Variants in GPC5 observed in about 807,000 individuals in gnomAD.
GPC5 encodes the protein glypican-5.
In GPC5, 47 loss-of-function variants were observed where a neutral mutation model predicts 53.9. The observed-to-expected ratio is 0.87, with a 90% CI of 0.69 to 1.11. The LOEUF (loss-of-function observed/expected upper bound fraction) is 1.11, where lower values mean the gene tolerates loss of function less well. GPC5 is among the 50% of genes most tolerant of loss of function. The probability of loss-of-function intolerance (pLI) is 0.00; values close to 1 mark genes in which losing one functional copy is unlikely to be tolerated. For synonymous variants in GPC5, 286 were observed against 263.3 expected, an observed-to-expected ratio of 1.09 and a Z score of -0.84; for missense variants, 748 against 713.1, an observed-to-expected ratio of 1.05 and a Z score of -0.56.
intron 7 of GPC5, among the ~76,000 whole-genome samples, chr13:92,281,009 G>A (rs994495279): frequency 3.9e-5 from 6 of 152,158 alleles, no homozygotes; most frequent in Admixed American, 6.5e-5. Flanking sequence ...CAAGGGAGGC[G>A]GTGACAGACA....
intron 2 of GPC5, among the ~76,000 whole-genome samples, chr13:91,599,055 A>G (rs2033091254): frequency 6.6e-6 from 1 of 152,082 alleles, no homozygotes; most frequent in Admixed American, 6.5e-5. Context: ...TAATTTCAGC[A>G]GCTTTTGGGG....
chr13:92,207,836 G>A (rs775102364), intron 7 of GPC5, among the ~76,000 whole-genome samples: 16 of 152,124 alleles, frequency 1.1e-4, no homozygotes, highest in African/African-American at 2.9e-4. Flanking sequence ...ATTATGATGC[G>A]CTTATAGTAC....
intron 1 of GPC5, among the ~76,000 whole-genome samples, chr13:91,423,293 G>C (rs962708279): frequency 5.9e-5 from 9 of 152,140 alleles, no homozygotes; most frequent in Admixed American, 1.3e-4. Context: ...GTAGACATTT[G>C]TATTATTGCT....
At chr13:91,497,383 G>A (rs1012933146) in intron 2 of GPC5, among the ~76,000 whole-genome samples, 1 of 151,864 alleles carries the variant, frequency 6.6e-6, no homozygotes, top group African/African-American at 2.4e-5. Flanking sequence ...TAGCAACTTT[G>A]TTAATTCCTG....
intron 7 of GPC5, among the ~76,000 whole-genome samples, chr13:92,273,714 C>G (rs1334266116): frequency 6.6e-6 from 1 of 151,958 alleles, no homozygotes; most frequent in African/African-American, 2.4e-5. Flanking sequence ...GGAAAGGAAG[C>G]TCAAACGTCT....
Position 91,805,297 on chromosome 13 carries a change from C to T in GPC5, c.1280+48877C>T, listed in dbSNP as rs370736205. Among the ~76,000 whole-genome samples, 156 of 152,246 alleles carry T rather than the reference C, an allele frequency of 1.0e-3. No individual in the cohort carries two copies. The East Asian group carries it at 0.024, about 23-fold the overall frequency. On this transcript the variant is annotated intron_variant, in intron 5 of 7. Transcript: ENST00000377067. ...AAATGAGAGGTGGGGAGACATGTTG[C>T]GTGTAAAAATATGGCTAAAGAAGCT...
intron 7 of GPC5, among the ~76,000 whole-genome samples, chr13:92,425,707 A>C (rs185790177): frequency 2.3e-4 from 35 of 152,168 alleles, no homozygotes; most frequent in African/African-American, 7.7e-4. Context: ...TTTTTAATCA[A>C]CTTTAGACAG....
At chr13:91,846,947 C>T (rs771618657) in intron 5 of GPC5, among the ~76,000 whole-genome samples, 25 of 151,976 alleles carry the variant, frequency 1.6e-4, no homozygotes, top group Non-Finnish European at 2.8e-4. Context: ...GGGCTGGGCA[C>T]GGTGGCTCAC....
At chr13:91,470,586 A>G (rs2139177540) in intron 2 of GPC5, among the ~76,000 whole-genome samples, 1 of 152,228 alleles carries the variant, frequency 6.6e-6, no homozygotes, top group South Asian at 2.1e-4. Context: ...AATCATGCAA[A>G]TATTTTGTGA....
chr13:91,586,574 A>C (rs1198382612), intron 2 of GPC5, among the ~76,000 whole-genome samples: 2 of 115,418 alleles, frequency 1.7e-5, no homozygotes, highest in Non-Finnish European at 3.5e-5. Flanking sequence ...AGAGAGAGAG[A>C]GAGAGAGAGA....
At chr13:91,652,176 T>C (rs528607054) in intron 2 of GPC5, among the ~76,000 whole-genome samples, 71 of 152,358 alleles carry the variant, frequency 4.7e-4, no homozygotes, top group Middle Eastern at 3.4e-3. Context: ...TTTCCATTTA[T>C]GTTTTCCACC....
chr13:92,174,246 G>C (rs932859379), intron 7 of GPC5, among the ~76,000 whole-genome samples: 1 of 152,072 alleles, frequency 6.6e-6, no homozygotes, highest in Non-Finnish European at 1.5e-5. Flanking sequence ...TTTGGGCCGG[G>C]TGTGGTGGCT....
intron 7 of GPC5, among the ~76,000 whole-genome samples, chr13:92,180,414 A>G (rs1361434311): frequency 6.6e-6 from 1 of 152,224 alleles, no homozygotes; most frequent in Admixed American, 6.5e-5. Context: ...CTCTTTGTGA[A>G]TGTGTATGTA....
At chr13:91,474,576 G>A (rs745400631) in intron 2 of GPC5, among the ~76,000 whole-genome samples, 27 of 151,934 alleles carry the variant, frequency 1.8e-4, no homozygotes, top group Non-Finnish European at 1.8e-4. Flanking sequence ...AATCACATGA[G>A]CAAATTTTCT....
intron 7 of GPC5, among the ~76,000 whole-genome samples, chr13:92,269,281 T>C (rs961770733): frequency 6.6e-6 from 1 of 152,196 alleles, no homozygotes; most frequent in Admixed American, 6.5e-5. Flanking sequence ...CCCCAATTTT[T>C]ATATATCTGA....
chr13:91,682,222 G>A (rs1046158718), intron 2 of GPC5, among the ~76,000 whole-genome samples: 7 of 152,178 alleles, frequency 4.6e-5, no homozygotes, highest in African/African-American at 1.7e-4. Flanking sequence ...GTATTATTAT[G>A]GTGGTCGTGC....
intron 7 of GPC5, among the ~76,000 whole-genome samples, chr13:92,583,562 T>C (rs565133691): frequency 9.2e-5 from 14 of 152,302 alleles, no homozygotes; most frequent in African/African-American, 3.1e-4. Context: ...GTCTCTAGGC[T>C]GGAATAGGCT....
At chr13:92,455,893 G>A (rs1878246091) in intron 7 of GPC5, among the ~76,000 whole-genome samples, 1 of 152,154 alleles carries the variant, frequency 6.6e-6, no homozygotes, top group African/African-American at 2.4e-5. Flanking sequence ...CAAAAAACGT[G>A]TCTCTTTTTG....
intron 6 of GPC5, among the ~76,000 whole-genome samples, chr13:91,924,431 A>G (rs2039746978): frequency 6.6e-6 from 1 of 152,144 alleles, no homozygotes; most frequent in South Asian, 2.1e-4. Context: ...AAAAAGTATC[A>G]TTATCTGGCC....
Sources: gnomAD v4.1 joint callset for allele counts (sites outside exome capture counted in the v4.1 genomes callset) on GRCh38, gnomAD v4.1.1 for gene constraint, MANE v1.5 for transcripts, NCBI Gene and HGNC (gene_info 2026-07-23, HGNC 2026-07-21) for gene names.